UBE2W: variants seen among roughly 807,000 people sequenced by gnomAD.
The protein encoded by UBE2W is ubiquitin conjugating enzyme E2 W.
Under a neutral mutation model 27.2 loss-of-function variants are expected in UBE2W, and 18 were observed. The ratio of observed to expected loss-of-function variants is 0.66; its 90% confidence interval spans 0.46 to 0.98. The LOEUF is 0.98. UBE2W is among the 50% of genes least tolerant of loss of function. The pLI, the probability that UBE2W is intolerant of heterozygous loss-of-function variation, is 0.00. For missense variants in UBE2W, 90 were observed against 180.2 expected (o/e 0.50, Z 2.87); for synonymous variants, 53 against 57.2 (o/e 0.93, Z 0.33).
At chr8:73,836,009 A>C (rs1354471740) in intron 1 of UBE2W, among the ~76,000 whole-genome samples, 1 of 152,192 alleles carries the variant, frequency 6.6e-6, no homozygotes, top group Non-Finnish European at 1.5e-5. Flanking sequence ...GAATCAAACA[A>C]CTATGCCTCT....
intron 1 of UBE2W, among the ~76,000 whole-genome samples, chr8:73,868,623 G>GT (rs1322752051): frequency 1.3e-5 from 2 of 151,560 alleles, no homozygotes; most frequent in Admixed American, 6.6e-5. Context: ...GGCCAGTCCT[G>GT]TGAGACTGAG....
chr8:73,842,418 A>G (rs1406731660), intron 1 of UBE2W, among the ~76,000 whole-genome samples: 1 of 148,346 alleles, frequency 6.7e-6, no homozygotes, highest in East Asian at 2.1e-4. Context: ...AGTCCCAGCT[A>G]TTCGGGAGGC....
At chr8:73,839,030 G>C (rs1810420860) in intron 1 of UBE2W, among the ~76,000 whole-genome samples, 1 of 152,132 alleles carries the variant, frequency 6.6e-6, no homozygotes, top group Admixed American at 6.5e-5. Flanking sequence ...CAACCCTGTG[G>C]AGTGTACTTT....
Position 73,827,008 on chromosome 8 carries a change from T to G in UBE2W, c.108-1759A>C, listed in dbSNP as rs907701558. ...CCCACATCCACTAGGCACAGTGATA[T>G]TCCCAGGAAAAACGGTGGTCTTTCA... On this transcript the variant is annotated intron_variant, in intron 2 of 5. Coordinates refer to ENST00000602593, the MANE Select transcript of UBE2W (RefSeq NM_018299.6). 1.4e-4 allele frequency among the ~76,000 whole-genome samples: 22 copies of G among 152,372 alleles called. No individual in the cohort carries two copies. In the East Asian group the frequency reaches 4.2e-3, roughly 29 times the overall value.
At chr8:73,842,904 A>T (rs1810605303) in intron 1 of UBE2W, among the ~76,000 whole-genome samples, 2 of 152,236 alleles carry the variant, frequency 1.3e-5, no homozygotes, top group African/African-American at 4.8e-5. Flanking sequence ...TAGCAGCATT[A>T]TTCATAATGC....
Position 73,790,746 on chromosome 8 carries a change from A to C in UBE2W, c.*3356T>G. On this transcript the variant is annotated 3_prime_UTR_variant, in exon 6 of 6. Coordinates refer to ENST00000602593, the MANE Select transcript of UBE2W (RefSeq NM_018299.6). Reference sequence around the variant, plus strand: ...AAAAACAATAGGCTTTTAAAAAATAAGACTTGATTACCAGAAACAAGTAAT... The same window carrying C: ...AAAAACAATAGGCTTTTAAAAAATACGACTTGATTACCAGAAACAAGTAAT... 2.1e-6 allele frequency: 2 copies of C among 975,202 alleles called. No homozygotes were observed. Among genetic ancestry groups the C allele is most frequent in the South Asian group, 4.7e-5 (1 of 21,058 alleles). The allele number at this position is 975,202 out of a possible 1,614,324, so 60.4% of individuals were successfully genotyped here. A position where few individuals can be genotyped will look rare whatever the true frequency, so the allele number is the denominator to read the frequency against.
intron 3 of UBE2W, among the ~76,000 whole-genome samples, chr8:73,817,374 A>G (rs765763598): frequency 6.6e-5 from 10 of 152,194 alleles, no homozygotes; most frequent in Non-Finnish European, 1.2e-4. Flanking sequence ...GATGTATTTC[A>G]GATTTCTTTC....
chr8:73,859,323 T>A (rs1401640610), intron 1 of UBE2W, among the ~76,000 whole-genome samples: 1 of 152,072 alleles, frequency 6.6e-6, no homozygotes. Flanking sequence ...CTGGCCAACA[T>A]GGTGAAACCT....
At chr8:73,837,520 A>G (rs1810359067) in intron 1 of UBE2W, among the ~76,000 whole-genome samples, 2 of 152,248 alleles carry the variant, frequency 1.3e-5, no homozygotes, top group Admixed American at 6.5e-5. Flanking sequence ...TCTTAAAAAA[A>G]AAAAAATTAT....
intron 3 of UBE2W, among the ~76,000 whole-genome samples, chr8:73,814,573 C>A (rs995119965): frequency 1.3e-5 from 2 of 152,116 alleles, no homozygotes; most frequent in African/African-American, 4.8e-5. Context: ...GGCTGGAGTG[C>A]AATGGCCCGA....
At chr8:73,847,341 A>G (rs1810854554) in intron 1 of UBE2W, among the ~76,000 whole-genome samples, 1 of 152,264 alleles carries the variant, frequency 6.6e-6, no homozygotes, top group Non-Finnish European at 1.5e-5. Context: ...ACAAACTGGT[A>G]AGACCAGCTT....
intron 5 of UBE2W, among the ~76,000 whole-genome samples, chr8:73,798,473 T>C (rs1341134733): frequency 1.3e-5 from 2 of 152,134 alleles, no homozygotes; most frequent in Non-Finnish European, 2.9e-5. Flanking sequence ...GTCCCAACCA[T>C]TTCGAATAAG....
At chr8:73,857,613 C>T (rs1586532748) in intron 1 of UBE2W, among the ~76,000 whole-genome samples, 2 of 151,852 alleles carry the variant, frequency 1.3e-5, no homozygotes, top group Admixed American at 6.6e-5. Context: ...GTCAGGAGTT[C>T]GAGACCAGCC....
At chr8:73,805,560 A>G in intron 5 of UBE2W, 91 bp downstream of exon 5, 2 of 644,564 alleles carry the variant, frequency 3.1e-6, no homozygotes, top group South Asian at 9.8e-5. Context: ...CACCAATTAT[A>G]GCTTCTCTTC....
chr8:73,849,661 TA>T (rs1420020173), intron 1 of UBE2W, among the ~76,000 whole-genome samples: 3 of 151,396 alleles, frequency 2.0e-5, no homozygotes, highest in East Asian at 3.9e-4. Context: ...GAAAAGTACT[TA>T]AAAGGAAAGA....
rs1054868766 is a variant in UBE2W at position 73,793,235 on chromosome 8, GA to G, written c.*866del. 1.0e-6 allele frequency: 1 copy of G among 985,332 alleles called. No individual in the cohort carries two copies. 61.0% of individuals were successfully genotyped at this position (985,332 alleles called of 1,614,324 possible). On this transcript the variant is annotated 3_prime_UTR_variant, in exon 6 of 6. Transcript: ENST00000602593. ...AAGTTAACAGAGTGTAACTTACTTG[GA>G]AAAAATCTTTAATGTACAAATAACA...
chr8:73,821,998 T>C (rs1809632798), intron 3 of UBE2W, among the ~76,000 whole-genome samples: 1 of 152,182 alleles, frequency 6.6e-6, no homozygotes, highest in South Asian at 2.1e-4. Flanking sequence ...CCCTCTATCT[T>C]TAACCTCCTT....
At chr8:73,878,661 G>T in intron 1 of UBE2W, 147 bp downstream of exon 1, 2 of 675,214 alleles carry the variant, frequency 3.0e-6, no homozygotes, top group East Asian at 6.1e-5. Flanking sequence ...CCCCTCCCCC[G>T]ACGCCCTGAG....
Position 73,793,595 on chromosome 8 carries a change from T to C in UBE2W, c.*507A>G, listed in dbSNP as rs1808288397. The C allele has an allele frequency of 1.0e-6, 1 of 986,040 alleles. No individual in the cohort carries two copies. The highest frequency in any genetic ancestry group is 4.7e-5 in the South Asian group (1 of 21,304). 61.1% of individuals were successfully genotyped at this position (986,040 alleles called of 1,614,324 possible). On this transcript the variant is annotated 3_prime_UTR_variant, in exon 6 of 6. Transcript: ENST00000602593. Reference sequence around the variant, plus strand: ...GATCACAGTGCATAGAATCCAAATATAAACAGTTGGGGTGACTTTTAAAGT... The same window carrying C: ...GATCACAGTGCATAGAATCCAAATACAAACAGTTGGGGTGACTTTTAAAGT...
Sources: gnomAD v4.1 joint callset for allele counts (sites outside exome capture counted in the v4.1 genomes callset) on GRCh38, gnomAD v4.1.1 for gene constraint, MANE v1.5 for transcripts, NCBI Gene and HGNC (gene_info 2026-07-23, HGNC 2026-07-21) for gene names.